TRPC5: variants seen among roughly 807,000 people sequenced by gnomAD.
The protein encoded by TRPC5 is short transient receptor potential channel 5.
TRPC5 carries 9 observed loss-of-function variants against 56.5 expected under a neutral mutation model. That is an observed-to-expected ratio of 0.16 (90% CI 0.10 to 0.28). The LOEUF is 0.28. Ranked by LOEUF, TRPC5 falls within the 10% of genes least tolerant of loss-of-function variation. The pLI is 1.00. For synonymous variants in TRPC5, 282 were observed against 278.5 expected (o/e 1.01, Z -0.13); for missense variants, 469 against 748.9 (o/e 0.63, Z 4.36).
Position 111,934,578 on chromosome X carries a change from C to T in TRPC5, c.378+17465G>A, listed in dbSNP as rs185114807. On this transcript the variant is annotated intron_variant, in intron 2 of 10. Transcript: ENST00000262839. ...ACTAGCTCTTTTTCATTCTATCTAT[C>T]TTTGCACCCATTAAGCATATCCACT... Among the ~76,000 whole-genome samples, 138 of 111,174 alleles carry T rather than the reference C, an allele frequency of 1.2e-3. 4 individuals carry two copies. The East Asian group carries it at 0.029, about 24-fold the overall frequency.
chrX:111,906,218 G>A (rs1216420645), intron 3 of TRPC5, among the ~76,000 whole-genome samples: 2 of 109,290 alleles, frequency 1.8e-5, no homozygotes, highest in African/African-American at 3.3e-5. Context: ...CAGCCGGCAC[G>A]GTGGTAGGCA....
rs762265632 is a variant in TRPC5, at chrX:111,810,620, T to A, written c.1896+24301A>T. Among the ~76,000 whole-genome samples the A allele has an allele frequency of 7.1e-5, 8 of 112,137 alleles. No homozygotes were observed. In the South Asian group the frequency reaches 3.0e-3, roughly 42 times the overall value. ...TTGATATGAAAAAGATTTCATAACA[T>A]TTACTTTTATAAAAATGGAAACAAA... is the stretch of plus-strand genomic sequence containing the variant. On this transcript the variant is annotated intron_variant, in intron 7 of 10. Transcript: ENST00000262839.
chrX:111,950,053 G>A (rs1273204091), intron 2 of TRPC5, among the ~76,000 whole-genome samples: 11 of 111,580 alleles, frequency 9.9e-5, no homozygotes, highest in African/African-American at 1.6e-4. Context: ...GGCTGGGCGC[G>A]GTGGCTCACG....
intron 1 of TRPC5, among the ~76,000 whole-genome samples, chrX:112,004,128 C>A (rs114674124): frequency 0.094 from 10,490 of 111,738 alleles, 769 homozygotes; most frequent in African/African-American, 0.26. Context: ...CAGTGCTATG[C>A]AGCAGAGAAG....
chrX:111,844,812 G>A (rs1922880249), intron 6 of TRPC5, among the ~76,000 whole-genome samples: 1 of 110,906 alleles, frequency 9.0e-6, no homozygotes, highest in East Asian at 2.8e-4. Flanking sequence ...CATCTCTGGA[G>A]AATCAGAAGG....
chrX:111,857,375 T>C (rs1923270511), intron 3 of TRPC5, among the ~76,000 whole-genome samples: 1 of 109,821 alleles, frequency 9.1e-6, no homozygotes, highest in South Asian at 3.9e-4. Context: ...GGGAATGGAG[T>C]AATGGATGGG....
intron 1 of TRPC5, among the ~76,000 whole-genome samples, chrX:111,964,217 G>A (rs1927486947): frequency 8.9e-6 from 1 of 111,790 alleles, no homozygotes; most frequent in Non-Finnish European, 1.9e-5. Context: ...TGGAAGAAAG[G>A]GTATCAGTGA....
At chrX:112,055,349 GA>G (rs1319651453) in intron 1 of TRPC5, among the ~76,000 whole-genome samples, 1 of 111,603 alleles carries the variant, frequency 9.0e-6, no homozygotes, top group African/African-American at 3.2e-5. Context: ...TTAATAAACT[GA>G]TAAGAAGTAG....
chrX:111,824,956 C>T (rs1489579696), intron 7 of TRPC5, among the ~76,000 whole-genome samples: 1 of 111,363 alleles, frequency 9.0e-6, no homozygotes, highest in Non-Finnish European at 1.9e-5. Flanking sequence ...ACCACGTCCT[C>T]AATTTTCTGT....
chrX:112,052,118 G>A (rs1413038692), intron 1 of TRPC5, among the ~76,000 whole-genome samples: 1 of 111,614 alleles, frequency 9.0e-6, no homozygotes, highest in African/African-American at 3.3e-5. Flanking sequence ...ACCCTGCTTT[G>A]AATTATTTTG....
Position 111,891,057 on chromosome X carries a change from A to T in TRPC5, c.900+21234T>A, listed in dbSNP as rs775414687. Among the ~76,000 whole-genome samples the T allele has an allele frequency of 5.4e-5, 6 of 111,990 alleles. No individual in the cohort carries two copies. In the East Asian group the frequency reaches 1.7e-3, roughly 31 times the overall value. On this transcript the variant is annotated intron_variant, in intron 3 of 10. Coordinates refer to ENST00000262839, the MANE Select transcript of TRPC5 (RefSeq NM_012471.3). ...TGCAAAGGATATGATCTTGTTTTTT[A>T]TGGCTGCATAGTACTCCATGGTGTA...
Position 112,081,690 on chromosome X carries a change from T to C in TRPC5, c.-22+189A>G, listed in dbSNP as rs146435281. 3.6e-3 allele frequency among the ~76,000 whole-genome samples: 398 copies of C among 111,465 alleles called. 1 individual carries two copies. The highest frequency in any genetic ancestry group is 0.012 in the African/African-American group (376 of 30,633). On this transcript the variant is annotated intron_variant, in intron 1 of 10. Transcript: ENST00000262839. Reference sequence around the variant, plus strand: ...ACCCTGGAGCTTCTCCCCATTGCATTTCCTCTTCCAAAACAATCTGTTGCT... The same window carrying C: ...ACCCTGGAGCTTCTCCCCATTGCATCTCCTCTTCCAAAACAATCTGTTGCT...
At chrX:112,044,186 C>T (rs186277054) in intron 1 of TRPC5, among the ~76,000 whole-genome samples, 2 of 111,597 alleles carry the variant, frequency 1.8e-5, no homozygotes, top group Non-Finnish European at 3.8e-5. Context: ...ACCTAAGGCA[C>T]TTACTGCCAC....
chrX:111,781,345 A>G, intron 8 of TRPC5, 139 bp from the exon 9 acceptor site: 1 of 512,406 alleles, frequency 2.0e-6, no homozygotes, highest in East Asian at 3.8e-5. Context: ...TCCCCAAAGC[A>G]AATGTATGTT....
Position 111,996,444 on chromosome X carries a change from G to A in TRPC5, c.-21-44003C>T, listed in dbSNP as rs1318455487. Among the ~76,000 whole-genome samples, 5 of 111,989 alleles carry A rather than the reference G, an allele frequency of 4.5e-5. No individual in the cohort carries two copies. The Admixed American group carries it at 4.8e-4, about 11-fold the overall frequency. ...TAGAATAAGTGCGATGTGGTGCTGA[G>A]AAGAATGTATATTCTGTTGATTTGG... is the stretch of plus-strand genomic sequence containing the variant. On this transcript the variant is annotated intron_variant, in intron 1 of 10. Coordinates refer to ENST00000262839, the MANE Select transcript of TRPC5 (RefSeq NM_012471.3).
At chrX:111,789,167 C>T (rs1361023087) in intron 7 of TRPC5, among the ~76,000 whole-genome samples, 3 of 111,870 alleles carry the variant, frequency 2.7e-5, no homozygotes, top group African/African-American at 9.8e-5. Context: ...TCAAACTATA[C>T]TACAAGGCCA....
intron 2 of TRPC5, among the ~76,000 whole-genome samples, chrX:111,937,163 T>C (rs1170634180): frequency 1.9e-5 from 2 of 106,693 alleles, no homozygotes; most frequent in Non-Finnish European, 3.9e-5. Context: ...TGTCTGTTCA[T>C]GTCCTTCGCC....
At chrX:112,014,469 C>T (rs931821813) in intron 1 of TRPC5, among the ~76,000 whole-genome samples, 1 of 112,143 alleles carries the variant, frequency 8.9e-6, no homozygotes, top group African/African-American at 3.2e-5. Flanking sequence ...GTTTTTTGTT[C>T]GTTTATTCCT....
At chrX:112,033,135 C>T (rs897167274) in intron 1 of TRPC5, among the ~76,000 whole-genome samples, 22 of 100,456 alleles carry the variant, frequency 2.2e-4, no homozygotes, top group Middle Eastern at 0.01. Flanking sequence ...AACCAAACAC[C>T]GCATGTTCTC....
Sources: allele counts gnomAD v4.1 joint callset (sites outside exome capture counted in the v4.1 genomes callset), GRCh38; gene constraint gnomAD v4.1.1; transcripts MANE v1.5; gene names NCBI Gene and HGNC (gene_info 2026-07-23, HGNC 2026-07-21).